The following SAMD5 variants were observed in gnomAD, a reference collection of about 807,000 sequenced individuals.
SAMD5 encodes sterile alpha motif domain-containing protein 5.
A neutral mutation model predicts 11.3 loss-of-function variants in SAMD5; 13 were observed. The observed-to-expected ratio is 1.15, with a 90% CI of 0.75 to 1.83. The LOEUF is 1.83. SAMD5 is among the 40% of genes most tolerant of loss of function. The probability of loss-of-function intolerance (pLI) is 0.00; values close to 1 mark genes in which losing one functional copy is unlikely to be tolerated. For missense variants in SAMD5, 255 were observed against 239.1 expected, an observed-to-expected ratio of 1.07 and a Z score of -0.44; for synonymous variants, 129 against 111.3, an observed-to-expected ratio of 1.16 and a Z score of -1.00.
the SAMD5 span, among the ~76,000 whole-genome samples, chr6:147,789,595 G>T: frequency 6.6e-6 from 1 of 152,062 alleles, no homozygotes; most frequent in Non-Finnish European, 1.5e-5. Context: ...CACATTTATT[G>T]TAATTAATGA....
At chr6:147,675,184 C>G (rs1249004452) in intron 1 of SAMD5, among the ~76,000 whole-genome samples, 5 of 152,162 alleles carry the variant, frequency 3.3e-5, no homozygotes, top group Admixed American at 2.0e-4. Context: ...CAGAGAGTAA[C>G]AGGAGAATCA....
chr6:147,526,615 A>G (rs1788345367), intron 1 of SAMD5, among the ~76,000 whole-genome samples: 1 of 152,222 alleles, frequency 6.6e-6, no homozygotes, highest in Non-Finnish European at 1.5e-5. Context: ...CACAGTGTGG[A>G]CTGTATACTG....
chr6:147,547,357 C>A (rs1053179909), intron 1 of SAMD5, among the ~76,000 whole-genome samples: 1 of 152,196 alleles, frequency 6.6e-6, no homozygotes, highest in South Asian at 2.1e-4. Context: ...CCAGCCGGGG[C>A]TCCTATCTGG....
the SAMD5 span, among the ~76,000 whole-genome samples, chr6:147,760,448 C>A: frequency 1.3e-5 from 2 of 151,962 alleles, no homozygotes; most frequent in Non-Finnish European, 2.9e-5. Flanking sequence ...AAGGAAGTAA[C>A]AAATTCAGCA....
At chr6:147,785,952 A>G in the SAMD5 span, among the ~76,000 whole-genome samples, 7 of 152,214 alleles carry the variant, frequency 4.6e-5, no homozygotes, top group African/African-American at 1.7e-4. Flanking sequence ...TCCATGCTAC[A>G]TGGAATTCTC....
chr6:147,675,988 C>A (rs752819810), intron 1 of SAMD5: 1 of 152,148 alleles, frequency 6.6e-6, no homozygotes, highest in Non-Finnish European at 1.5e-5. Flanking sequence ...AGCACAGTTA[C>A]CTTTTAACTG....
chr6:147,556,293 C>T (rs370409075), intron 1 of SAMD5, among the ~76,000 whole-genome samples: 58 of 152,202 alleles, frequency 3.8e-4, no homozygotes, highest in African/African-American at 1.3e-3. Flanking sequence ...GGGGTTTCAC[C>T]GTGTTAACCA....
chr6:147,622,602 C>T (rs1789987053), intron 1 of SAMD5, among the ~76,000 whole-genome samples: 1 of 152,252 alleles, frequency 6.6e-6, no homozygotes, highest in African/African-American at 2.4e-5. Flanking sequence ...CTGTCCAGCC[C>T]ACCAGGAACT....
In SAMD5 at chr6:147,553,866, T is replaced by G. The variant is rs578255432; in HGVS notation, c.460-10528T>G. Among the ~76,000 whole-genome samples the G allele has an allele frequency of 3.3e-5, 5 of 152,222 alleles. No homozygotes were observed. The East Asian group carries it at 9.7e-4, about 30-fold the overall frequency. ...TTTTCTGAAAAGTCTGAAAGTGTTC[T>G]TTTTCAGCCCTGCCAAAATTGGAGA... On this transcript the variant is annotated intron_variant, in intron 1 of 1. Coordinates refer to ENST00000367474, the MANE Select transcript of SAMD5 (RefSeq NM_001030060.3).
chr6:147,890,192 ACTATT>A, the SAMD5 span, among the ~76,000 whole-genome samples: 1 of 152,172 alleles, frequency 6.6e-6, no homozygotes, highest in Non-Finnish European at 1.5e-5. Context: ...AAAAAATACT[ACTATT>A]AAAAATAAAC....
intron 1 of SAMD5, among the ~76,000 whole-genome samples, chr6:147,587,765 C>A (rs1789396566): frequency 6.6e-6 from 1 of 152,054 alleles, no homozygotes; most frequent in African/African-American, 2.4e-5. Flanking sequence ...CTTCTGGGCT[C>A]TCCCTTTGAC....
chr6:147,832,683 C>G, the SAMD5 span, among the ~76,000 whole-genome samples: 3 of 152,176 alleles, frequency 2.0e-5, no homozygotes, highest in Non-Finnish European at 4.4e-5. Context: ...TTCGTTAATA[C>G]TTTTCACTAC....
chr6:147,777,842 CT>C, the SAMD5 span, among the ~76,000 whole-genome samples: 1 of 152,124 alleles, frequency 6.6e-6, no homozygotes, highest in East Asian at 1.9e-4. Flanking sequence ...TGCACCAGAA[CT>C]TCATTTCTTT....
chr6:147,930,408 C>A, the SAMD5 span, among the ~76,000 whole-genome samples: 8 of 152,048 alleles, frequency 5.3e-5, no homozygotes, highest in African/African-American at 1.7e-4. Flanking sequence ...CTCCTCATAC[C>A]GATTTTCAGT....
chr6:147,925,468 A>T, the SAMD5 span, among the ~76,000 whole-genome samples: 59 of 151,238 alleles, frequency 3.9e-4, no homozygotes, highest in South Asian at 4.2e-3. Context: ...TGTTATAGGA[A>T]CTATGGAAAA....
intron 1 of SAMD5, among the ~76,000 whole-genome samples, chr6:147,685,337 C>T (rs769504034): frequency 5.3e-5 from 8 of 152,138 alleles, no homozygotes; most frequent in Non-Finnish European, 1.0e-4. Context: ...GCTGGGATTA[C>T]AGGTGTTTGT....
At chr6:147,715,361 GCATGGGT>G (rs1264526719) in intron 1 of SAMD5, among the ~76,000 whole-genome samples, 2 of 152,158 alleles carry the variant, frequency 1.3e-5, no homozygotes, top group Non-Finnish European at 2.9e-5. Context: ...CCAGGCACCA[GCATGGGT>G]GCCGGCTCCC....
downstream of SAMD5, among the ~76,000 whole-genome samples, chr6:147,739,104 A>G (rs897153586): frequency 1.3e-5 from 2 of 152,098 alleles, no homozygotes; most frequent in Non-Finnish European, 2.9e-5. Context: ...GGTGTTGGGG[A>G]AAAAGCATCA....
At chr6:147,845,419 T>A in the SAMD5 span, among the ~76,000 whole-genome samples, 1 of 152,154 alleles carries the variant, frequency 6.6e-6, no homozygotes, top group East Asian at 1.9e-4. Flanking sequence ...AAATTAAAAA[T>A]CTTTGCTCTG....
Sources: gnomAD v4.1 joint callset for allele counts (sites outside exome capture counted in the v4.1 genomes callset) on GRCh38, gnomAD v4.1.1 for gene constraint, MANE v1.5 for transcripts, NCBI Gene and HGNC (gene_info 2026-07-23, HGNC 2026-07-21) for gene names.